CAST: variants seen among roughly 807,000 people sequenced by gnomAD.
The protein encoded by CAST is MIR583 host.
In CAST, 76 loss-of-function variants were observed where a neutral mutation model predicts 119.6. The observed-to-expected ratio is 0.64, with a 90% CI of 0.53 to 0.77. The LOEUF (loss-of-function observed/expected upper bound fraction) is 0.77, where lower values mean the gene tolerates loss of function less well. Among genes scored for constraint, CAST ranks in the 30% least tolerant of loss-of-function variants. CAST has a pLI of 0.00. For synonymous variants in CAST, 319 were observed against 331.6 expected (o/e 0.96, Z 0.41); for missense variants, 953 against 946.5 (o/e 1.01, Z -0.09).
At chr5:96,426,644 G>T in the CAST span, among the ~76,000 whole-genome samples, 2 of 152,082 alleles carry the variant, frequency 1.3e-5, no homozygotes, top group African/African-American at 2.4e-5. Flanking sequence ...AGAGTGAGGG[G>T]CTGCCTTGTA....
At chr5:96,479,403 A>G in the CAST span, among the ~76,000 whole-genome samples, 1 of 151,952 alleles carries the variant, frequency 6.6e-6, no homozygotes, top group Non-Finnish European at 1.5e-5. Context: ...AATATACTCA[A>G]TCATTCAAAA....
the CAST span, among the ~76,000 whole-genome samples, chr5:96,036,568 G>A: frequency 7.2e-5 from 11 of 152,088 alleles, no homozygotes; most frequent in African/African-American, 9.7e-5. Flanking sequence ...CTCTCTAGTG[G>A]CCTTGCTTGG....
At chr5:96,502,215 AAC>A in the CAST span, among the ~76,000 whole-genome samples, 93 of 152,352 alleles carry the variant, frequency 6.1e-4, 1 homozygote, top group South Asian at 2.7e-3. Context: ...AAATAAAAAT[AAC>A]ACATAATTCT....
intron 2 of CAST, among the ~76,000 whole-genome samples, chr5:96,694,520 A>G (rs899018980): frequency 7.9e-5 from 12 of 152,124 alleles, no homozygotes; most frequent in Non-Finnish European, 1.6e-4. Flanking sequence ...AATCCCAGGT[A>G]CTCAGGAGGC....
At chr5:96,307,912 A>G in the CAST span, among the ~76,000 whole-genome samples, 4 of 152,110 alleles carry the variant, frequency 2.6e-5, no homozygotes, top group Non-Finnish European at 5.9e-5. Context: ...ACCTTGATGA[A>G]TCTGATGAGT....
chr5:96,760,920 T>C (rs943621502), intron 24 of CAST: 1 of 151,990 alleles, frequency 6.6e-6, no homozygotes, highest in African/African-American at 2.4e-5. Flanking sequence ...GAAAAAGTAC[T>C]AAAAAGCATT....
chr5:96,510,864 T>C, the CAST span, among the ~76,000 whole-genome samples: 2 of 152,260 alleles, frequency 1.3e-5, no homozygotes, highest in African/African-American at 4.8e-5. Context: ...AAAACAAGAC[T>C]GAGAAAAATC....
the CAST span, among the ~76,000 whole-genome samples, chr5:96,302,268 G>A: frequency 1.3e-5 from 2 of 152,226 alleles, no homozygotes; most frequent in Admixed American, 6.5e-5. Flanking sequence ...AGAACAGCAG[G>A]GCACTGGGCC....
the CAST span, among the ~76,000 whole-genome samples, chr5:96,287,391 C>G: frequency 6.6e-6 from 1 of 152,014 alleles, no homozygotes; most frequent in African/African-American, 2.4e-5. Flanking sequence ...ATTTCCATGA[C>G]AATATCAAAA....
the CAST span, among the ~76,000 whole-genome samples, chr5:96,131,830 T>C: frequency 3.3e-5 from 5 of 152,098 alleles, no homozygotes; most frequent in Admixed American, 2.0e-4. Context: ...CAAACATAAG[T>C]ATCAAATCAT....
At chr5:96,410,442 G>T in the CAST span, among the ~76,000 whole-genome samples, 1 of 151,972 alleles carries the variant, frequency 6.6e-6, no homozygotes, top group East Asian at 1.9e-4. Context: ...CTACAACCCT[G>T]AGATCTCCTT....
chr5:96,738,276 C>T (rs998813416), intron 11 of CAST, among the ~76,000 whole-genome samples: 4 of 152,068 alleles, frequency 2.6e-5, no homozygotes, highest in Non-Finnish European at 4.4e-5. Flanking sequence ...GAGCTGAGAT[C>T]GCACCACTGC....
intron 2 of CAST, among the ~76,000 whole-genome samples, chr5:96,684,395 G>A (rs1035873414): frequency 6.6e-6 from 1 of 152,120 alleles, no homozygotes; most frequent in Admixed American, 6.5e-5. Flanking sequence ...ATGGGATGGG[G>A]CAGGGCTCAA....
At chr5:96,377,756 T>A in the CAST span, among the ~76,000 whole-genome samples, 1 of 152,292 alleles carries the variant, frequency 6.6e-6, no homozygotes, top group East Asian at 1.9e-4. Flanking sequence ...CAAAATAGGA[T>A]AATACTATTC....
chr5:96,262,443 T>C, the CAST span, among the ~76,000 whole-genome samples: 116 of 152,314 alleles, frequency 7.6e-4, no homozygotes, highest in Middle Eastern at 0.01. Context: ...ATGCCCTTAA[T>C]AGAGCCAGCA....
intron 1 of CAST, among the ~76,000 whole-genome samples, chr5:96,617,449 G>A (rs1747483461): frequency 6.6e-6 from 1 of 152,118 alleles, no homozygotes. Context: ...TTCACCTGAA[G>A]TTTGTATATT....
At chr5:96,221,492 AG>A in the CAST span, among the ~76,000 whole-genome samples, 1 of 152,226 alleles carries the variant, frequency 6.6e-6, no homozygotes, top group Non-Finnish European at 1.5e-5. Flanking sequence ...GAAATCAACA[AG>A]GCAACCCCAT....
the CAST span, among the ~76,000 whole-genome samples, chr5:96,366,725 T>G: frequency 6.6e-6 from 1 of 152,222 alleles, no homozygotes; most frequent in Non-Finnish European, 1.5e-5. Flanking sequence ...AGTTAGCCAC[T>G]CACCTAATCT....
intron 1 of CAST, among the ~76,000 whole-genome samples, chr5:96,594,238 A>G (rs1561425454): frequency 1.3e-5 from 2 of 152,218 alleles, no homozygotes; most frequent in South Asian, 4.1e-4. Context: ...ACTTCCCTAT[A>G]TTAGCCAACC....
Sources: gnomAD v4.1 joint callset for allele counts (sites outside exome capture counted in the v4.1 genomes callset) on GRCh38, gnomAD v4.1.1 for gene constraint, MANE v1.5 for transcripts, NCBI Gene and HGNC (gene_info 2026-07-23, HGNC 2026-07-21) for gene names.